MIPOL1: variants seen among roughly 807,000 people sequenced by gnomAD.
MIPOL1 encodes the protein mirror-image polydactyly 1.
A neutral mutation model predicts 60.9 loss-of-function variants in MIPOL1; 57 were observed. The observed-to-expected ratio is 0.94, with a 90% confidence interval of 0.76 to 1.17. The LOEUF (loss-of-function observed/expected upper bound fraction) is 1.17. Ranked by LOEUF, MIPOL1 falls within the 50% of genes most tolerant of loss-of-function variation. MIPOL1 has a pLI of 0.00. For synonymous variants in MIPOL1, 179 were observed against 168.8 expected (o/e 1.06, Z -0.47); for missense variants, 551 against 511.6 (o/e 1.08, Z -0.74).
At chr14:37,413,608 C>T (rs1429882740) in intron 10 of MIPOL1, among the ~76,000 whole-genome samples, 1 of 152,198 alleles carries the variant, frequency 6.6e-6, no homozygotes, top group Non-Finnish European at 1.5e-5. Context: ...CTCCTCTTTT[C>T]ATATAACCTA....
At chr14:37,361,298 A>G (rs2092221868) in intron 9 of MIPOL1, among the ~76,000 whole-genome samples, 1 of 152,254 alleles carries the variant, frequency 6.6e-6, no homozygotes, top group African/African-American at 2.4e-5. Flanking sequence ...TATTCTGTTG[A>G]TTTGGGGTGA....
intron 11 of MIPOL1, among the ~76,000 whole-genome samples, chr14:37,475,640 A>C (rs1388690941): frequency 6.6e-6 from 1 of 151,734 alleles, no homozygotes; most frequent in Non-Finnish European, 1.5e-5. Flanking sequence ...TTTCATGTGG[A>C]TATCCAATTG....
At chr14:37,274,051 A>G (rs2083472071) in intron 6 of MIPOL1, among the ~76,000 whole-genome samples, 2 of 151,534 alleles carry the variant, frequency 1.3e-5, no homozygotes, top group Non-Finnish European at 3.0e-5. Flanking sequence ...ACTAAACTGA[A>G]AAATGGACAA....
intron 6 of MIPOL1, among the ~76,000 whole-genome samples, chr14:37,280,050 G>A (rs2083980420): frequency 6.6e-6 from 1 of 151,920 alleles, no homozygotes; most frequent in Admixed American, 6.6e-5. Context: ...TTGTCTCTCT[G>A]TGCTTGGCTT....
intron 11 of MIPOL1, among the ~76,000 whole-genome samples, chr14:37,429,312 T>G (rs374427950): frequency 1.3e-5 from 2 of 152,324 alleles, no homozygotes; most frequent in Middle Eastern, 6.8e-3. Context: ...TTAAAGTGTT[T>G]AGACAAGAAT....
chr14:37,262,686 G>A lies in MIPOL1; in HGVS notation c.20-4252G>A, dbSNP rs530280580. On this transcript the variant is annotated intron_variant, in intron 3 of 12. Transcript: ENST00000684589. ...AGTACCTTCATCTTAAGAGGCAGGCGATCCATTTATTTGAATGTATTTGCC... is the reference window on the plus strand; with the variant it reads ...AGTACCTTCATCTTAAGAGGCAGGCAATCCATTTATTTGAATGTATTTGCC... Among the ~76,000 whole-genome samples, 48 of 152,188 alleles carry A rather than the reference G, an allele frequency of 3.2e-4. 2 individuals carry two copies. In the South Asian group the frequency reaches 9.7e-3, roughly 31 times the overall value.
chr14:37,281,270 C>G (rs1177896338), intron 6 of MIPOL1, among the ~76,000 whole-genome samples: 3 of 152,194 alleles, frequency 2.0e-5, no homozygotes, highest in Non-Finnish European at 2.9e-5. Flanking sequence ...ATTGTACTTT[C>G]TCCATTGTGT....
intron 7 of MIPOL1, among the ~76,000 whole-genome samples, chr14:37,297,970 C>T (rs545169485): frequency 8.5e-5 from 13 of 152,204 alleles, no homozygotes; most frequent in African/African-American, 3.1e-4. Context: ...CATGTGGAAG[C>T]AAAAAAGAGC....
At chr14:37,362,953 C>T (rs1021691188) in intron 9 of MIPOL1, among the ~76,000 whole-genome samples, 1 of 152,184 alleles carries the variant, frequency 6.6e-6, no homozygotes. Flanking sequence ...TGGTTTTCAG[C>T]TCTGTCAGGT....
chr14:37,266,295 C>G (rs1426496026), intron 3 of MIPOL1, among the ~76,000 whole-genome samples: 8 of 152,148 alleles, frequency 5.3e-5, no homozygotes. Flanking sequence ...GTTTTAGGAA[C>G]AGATACATCT....
chr14:37,388,528 A>G (rs2093142155), intron 10 of MIPOL1, among the ~76,000 whole-genome samples: 1 of 148,742 alleles, frequency 6.7e-6, no homozygotes, highest in African/African-American at 2.5e-5. Flanking sequence ...TTTTGTTGAC[A>G]GTAAATTTCA....
chr14:37,226,511 T>G (rs942306225), intron 1 of MIPOL1, among the ~76,000 whole-genome samples: 3 of 152,308 alleles, frequency 2.0e-5, no homozygotes, highest in East Asian at 3.9e-4. Flanking sequence ...CTCATGAGAC[T>G]TATTCACTAC....
Position 37,329,785 on chromosome 14 carries a change from T to C in MIPOL1, c.828+21266T>C, listed in dbSNP as rs189197010. On this transcript the variant is annotated intron_variant, in intron 9 of 12. Coordinates refer to ENST00000684589, the MANE Select transcript of MIPOL1 (RefSeq NM_001388067.1). ...CTCTGCTTTGTGTTTTAAAATAGTATAAGAAACATCTCTGTCCTTTTATGC... is the reference window on the plus strand; with the variant it reads ...CTCTGCTTTGTGTTTTAAAATAGTACAAGAAACATCTCTGTCCTTTTATGC... 2.2e-4 allele frequency among the ~76,000 whole-genome samples: 33 copies of C among 152,280 alleles called. No homozygotes were observed. In the East Asian group the frequency reaches 5.8e-3, roughly 27 times the overall value.
chr14:37,349,257 A>T (rs1286282098), intron 9 of MIPOL1, among the ~76,000 whole-genome samples: 3 of 151,990 alleles, frequency 2.0e-5, no homozygotes, highest in Non-Finnish European at 4.4e-5. Flanking sequence ...CAAAGTGCTG[A>T]GATAACGGGC....
chr14:37,469,646 C>T (rs145669796), intron 11 of MIPOL1, among the ~76,000 whole-genome samples: 182 of 152,196 alleles, frequency 1.2e-3, no homozygotes, highest in Non-Finnish European at 2.3e-3. Context: ...AAATTATTGC[C>T]ACTATAACAA....
In MIPOL1 at chr14:37,259,585, CA is replaced by C. The variant is rs558074826; in HGVS notation, c.20-7352del. Among the ~76,000 whole-genome samples the C allele has an allele frequency of 2.6e-5, 4 of 151,714 alleles. No homozygotes were observed. The South Asian group carries it at 8.3e-4, about 32-fold the overall frequency. On this transcript the variant is annotated intron_variant, in intron 3 of 12. Transcript: ENST00000684589. Reference sequence around the variant, plus strand: ...CTGTCTTAAAAAAAAACAAAAAAAACATAAGAAATCACTGTCTGTGCTTTCC... The same window carrying C: ...CTGTCTTAAAAAAAAACAAAAAAAACTAAGAAATCACTGTCTGTGCTTTCC...
At chr14:37,263,725 A>G (rs532642400) in intron 3 of MIPOL1, among the ~76,000 whole-genome samples, 3 of 152,350 alleles carry the variant, frequency 2.0e-5, no homozygotes, top group African/African-American at 7.2e-5. Context: ...GTTGAATAGT[A>G]TTAATTCAGT....
At chr14:37,225,295 C>G (rs1049816204) in intron 1 of MIPOL1, among the ~76,000 whole-genome samples, 4 of 152,200 alleles carry the variant, frequency 2.6e-5, no homozygotes, top group Non-Finnish European at 4.4e-5. Flanking sequence ...TGTGGGGGCT[C>G]TGACCCCACA....
chr14:37,331,195 C>T (rs1328015699), intron 9 of MIPOL1, among the ~76,000 whole-genome samples: 9 of 150,812 alleles, frequency 6.0e-5, no homozygotes, highest in Admixed American at 1.3e-4. Context: ...CTTTTTTTTT[C>T]AAGATTGCTT....
Sources: allele counts gnomAD v4.1 joint callset (sites outside exome capture counted in the v4.1 genomes callset), GRCh38; gene constraint gnomAD v4.1.1; transcripts MANE v1.5; gene names NCBI Gene and HGNC (gene_info 2026-07-23, HGNC 2026-07-21).